The following RNGTT variants were observed in gnomAD, a reference collection of about 807,000 sequenced individuals.
RNGTT encodes the protein RNA guanylyltransferase and 5'-phosphatase.
RNGTT carries 33 observed loss-of-function variants against 79.3 expected under a neutral mutation model. The ratio of observed to expected loss-of-function variants is 0.42; its 90% CI spans 0.32 to 0.56. The LOEUF (loss-of-function observed/expected upper bound fraction) is 0.56. Among genes scored for constraint, RNGTT ranks in the 20% least tolerant of loss-of-function variants. The pLI is 0.17. For missense variants in RNGTT, 497 were observed against 739.1 expected, an observed-to-expected ratio of 0.67 and a Z score of 3.80; for synonymous variants, 222 against 235.9, an observed-to-expected ratio of 0.94 and a Z score of 0.54.
At chr6:88,836,527 A>G (rs999169737) in intron 11 of RNGTT, among the ~76,000 whole-genome samples, 1 of 152,146 alleles carries the variant, frequency 6.6e-6, no homozygotes, top group African/African-American at 2.4e-5. Context: ...AGACTGCTTG[A>G]GCTCGGGAGT....
At chr6:88,957,085 T>A (rs965225082) in intron 1 of RNGTT, among the ~76,000 whole-genome samples, 2 of 151,890 alleles carry the variant, frequency 1.3e-5, no homozygotes, top group Non-Finnish European at 2.9e-5. Flanking sequence ...TAAACAGAAT[T>A]AAAAACAAAA....
At chr6:88,890,461 T>G in intron 8 of RNGTT, 34 bp downstream of exon 8, 1 of 1,304,112 alleles carries the variant, frequency 7.7e-7, no homozygotes, top group Non-Finnish European at 1.1e-6. Context: ...AGCATTAGGG[T>G]TATTTGTGTA....
intron 13 of RNGTT, among the ~76,000 whole-genome samples, chr6:88,713,335 G>A (rs753976454): frequency 6.6e-6 from 1 of 152,096 alleles, no homozygotes; most frequent in Non-Finnish European, 1.5e-5. Flanking sequence ...CTAAAACTAT[G>A]AAAAGTAGGT....
At chr6:88,735,955 A>G (rs1244544312) in intron 13 of RNGTT, among the ~76,000 whole-genome samples, 1 of 152,138 alleles carries the variant, frequency 6.6e-6, no homozygotes, top group Non-Finnish European at 1.5e-5. Flanking sequence ...GAAGAAAAAA[A>G]CAGAAGGCAT....
chr6:88,650,103 G>C (rs1480935948), intron 14 of RNGTT, among the ~76,000 whole-genome samples: 1 of 152,024 alleles, frequency 6.6e-6, no homozygotes, highest in Admixed American at 6.6e-5. Context: ...CTCCTAAAAG[G>C]GTCTGGGAGC....
intron 12 of RNGTT, among the ~76,000 whole-genome samples, chr6:88,781,643 C>A (rs1022677589): frequency 6.6e-6 from 1 of 152,110 alleles, no homozygotes; most frequent in Non-Finnish European, 1.5e-5. Flanking sequence ...AAATCTTCAT[C>A]TTTTGTCCTA....
At chr6:88,959,222 G>A (rs551192253) in intron 1 of RNGTT, among the ~76,000 whole-genome samples, 2 of 147,534 alleles carry the variant, frequency 1.4e-5, no homozygotes, top group East Asian at 4.2e-4. Flanking sequence ...GTGTGGAGAG[G>A]GGGGATGAGG....
intron 13 of RNGTT, among the ~76,000 whole-genome samples, chr6:88,689,339 C>T (rs1429784171): frequency 1.3e-5 from 2 of 151,726 alleles, no homozygotes. Flanking sequence ...GTGGCTCACA[C>T]CTATAATCCC....
chr6:88,834,632 A>C (rs1265559248), intron 11 of RNGTT, among the ~76,000 whole-genome samples: 2 of 152,196 alleles, frequency 1.3e-5, no homozygotes, highest in African/African-American at 2.4e-5. Context: ...CACAGTTGCC[A>C]TAACAAACTC....
chr6:88,659,527 G>C (rs999822374), intron 14 of RNGTT, among the ~76,000 whole-genome samples: 1 of 151,532 alleles, frequency 6.6e-6, no homozygotes, highest in Non-Finnish European at 1.5e-5. Flanking sequence ...CAATAGACTA[G>C]AACAAGTAGA....
At chr6:88,927,887 A>C (rs999300212) in intron 4 of RNGTT, among the ~76,000 whole-genome samples, 1 of 151,788 alleles carries the variant, frequency 6.6e-6, no homozygotes, top group Non-Finnish European at 1.5e-5. Flanking sequence ...CTCAATTTAA[A>C]CCATATACCA....
intron 13 of RNGTT, among the ~76,000 whole-genome samples, chr6:88,759,252 C>T (rs1179273581): frequency 6.6e-6 from 1 of 152,210 alleles, no homozygotes; most frequent in Non-Finnish European, 1.5e-5. Context: ...ATCCTTTCGA[C>T]ATACATTGTT....
intron 14 of RNGTT, among the ~76,000 whole-genome samples, chr6:88,651,550 A>C (rs1402761328): frequency 6.6e-6 from 1 of 152,146 alleles, no homozygotes; most frequent in Non-Finnish European, 1.5e-5. Flanking sequence ...TTTTGGCTTT[A>C]AACAAATAAA....
intron 14 of RNGTT, among the ~76,000 whole-genome samples, chr6:88,667,975 A>AC (rs780766372): frequency 1.3e-5 from 2 of 152,110 alleles, no homozygotes; most frequent in South Asian, 4.2e-4. Flanking sequence ...TGTATCATAG[A>AC]CCCCCTCCCA....
intron 12 of RNGTT, among the ~76,000 whole-genome samples, chr6:88,785,350 C>T (rs903237081): frequency 1.3e-5 from 2 of 152,036 alleles, no homozygotes; most frequent in East Asian, 3.9e-4. Context: ...ACAAATTATG[C>T]ATCTGTAGCT....
At chr6:88,955,960 G>C (rs1785416388) in intron 1 of RNGTT, among the ~76,000 whole-genome samples, 1 of 141,740 alleles carries the variant, frequency 7.1e-6, no homozygotes, top group African/African-American at 2.7e-5. Flanking sequence ...AGAATCACTT[G>C]AACCTAGGAG....
rs146990699 is a variant in RNGTT, at chr6:88,872,845, G to A, written c.896+17650C>T. On this transcript the variant is annotated intron_variant, in intron 8 of 15. Coordinates refer to ENST00000369485, the MANE Select transcript of RNGTT (RefSeq NM_003800.5). The stretch of plus-strand genomic sequence containing the variant: ...GGTAGCAGGATTCACAGATGGAGGT[G>A]CCTATTTTACAAAACCCCAAAGAAG... Among the ~76,000 whole-genome samples, 462 of 152,204 alleles carry A rather than the reference G, an allele frequency of 3.0e-3. 2 individuals carry two copies. The highest frequency in any genetic ancestry group is 9.1e-3 in the African/African-American group (376 of 41,528).
chr6:88,829,760 C>T (rs1328622958), intron 11 of RNGTT, among the ~76,000 whole-genome samples: 4 of 145,480 alleles, frequency 2.7e-5, no homozygotes, highest in African/African-American at 7.6e-5. Flanking sequence ...ATAAAACAGA[C>T]TTTAAACCAA....
rs140112169 is a variant in RNGTT at position 88,632,260 on chromosome 6, C to T, written c.1507-17865G>A. Among the ~76,000 whole-genome samples, 99 of 152,218 alleles carry T rather than the reference C, an allele frequency of 6.5e-4. 1 individual carries two copies. Among genetic ancestry groups the T allele is most frequent in the African/African-American group, 2.4e-3 (98 of 41,522 alleles). ...TACAGACATAAGCCACCATGCTCAG[C>T]CCCAACTCTCTTTTTAGATGGAAAA... On this transcript the variant is annotated intron_variant, in intron 14 of 15. Coordinates refer to ENST00000369485, the MANE Select transcript of RNGTT (RefSeq NM_003800.5).
Sources: allele counts gnomAD v4.1 joint callset (sites outside exome capture counted in the v4.1 genomes callset), GRCh38; gene constraint gnomAD v4.1.1; transcripts MANE v1.5; gene names NCBI Gene and HGNC (gene_info 2026-07-23, HGNC 2026-07-21).